Variants in LDLRAD4 observed in about 807,000 individuals in gnomAD.
LDLRAD4 encodes low-density lipoprotein receptor class A domain-containing protein 4.
In LDLRAD4, 5 loss-of-function variants were observed where a neutral mutation model predicts 17.0. That is an observed-to-expected ratio of 0.29 (90% CI 0.15 to 0.62). The LOEUF is 0.62. LDLRAD4 is among the 20% of genes least tolerant of loss of function. The pLI is 0.84. For missense variants in LDLRAD4, 340 were observed against 424.7 expected, an observed-to-expected ratio of 0.80 and a Z score of 1.75; for synonymous variants, 168 against 171.8, an observed-to-expected ratio of 0.98 and a Z score of 0.17.
intron 4 of LDLRAD4, among the ~76,000 whole-genome samples, chr18:13,636,829 C>G (rs1428619580): frequency 6.7e-6 from 1 of 149,788 alleles, no homozygotes; most frequent in African/African-American, 2.5e-5. Flanking sequence ...TGGAGTCTCG[C>G]TCTTGTCGCC....
At chr18:13,251,257 C>A (rs1474159030) in intron 1 of LDLRAD4, among the ~76,000 whole-genome samples, 1 of 152,196 alleles carries the variant, frequency 6.6e-6, no homozygotes, top group African/African-American at 2.4e-5. Flanking sequence ...AATGACAAAA[C>A]CACAGCTGAC....
intron 3 of LDLRAD4, among the ~76,000 whole-genome samples, chr18:13,457,384 A>G (rs952165511): frequency 1.3e-4 from 20 of 152,274 alleles, no homozygotes; most frequent in Admixed American, 1.3e-3. Flanking sequence ...GAGCCTCTGC[A>G]TGTTCCGCCA....
chr18:13,236,684 G>C (rs527501457), intron 1 of LDLRAD4, among the ~76,000 whole-genome samples: 1 of 147,056 alleles, frequency 6.8e-6, no homozygotes, highest in Non-Finnish European at 1.5e-5. Context: ...CCTGTGTGGG[G>C]CTCGGTCCGT....
Position 13,540,183 on chromosome 18 carries a change from G to GT in LDLRAD4, c.182-80931dup, listed in dbSNP as rs564370195. 1.4e-4 allele frequency among the ~76,000 whole-genome samples: 21 copies of GT among 152,308 alleles called. No homozygotes were observed. The East Asian group carries it at 4.0e-3, about 29-fold the overall frequency. On this transcript the variant is annotated intron_variant, in intron 3 of 5. Transcript: ENST00000359446. ...TGCCAAATCTTCCCAATTTATCTGT[G>GT]TTTGTCTTTTTTAAAAAATACAAGT...
chr18:13,424,071 G>C (rs932184498), intron 2 of LDLRAD4, among the ~76,000 whole-genome samples: 1 of 151,986 alleles, frequency 6.6e-6, no homozygotes, highest in Admixed American at 6.5e-5. Context: ...GGAGGTAGAG[G>C]TTGCAATGAG....
intron 3 of LDLRAD4, among the ~76,000 whole-genome samples, chr18:13,587,502 C>T (rs1179456366): frequency 6.6e-6 from 1 of 152,238 alleles, no homozygotes; most frequent in African/African-American, 2.4e-5. Flanking sequence ...GGAAGACCTG[C>T]TTATTCCAAC....
At chr18:13,648,697 G>A (rs2043111673) in exon 6 of LDLRAD4, 1 of 152,186 alleles carries the variant, frequency 6.6e-6, no homozygotes, top group African/African-American at 2.4e-5. Context: ...TCAATGATAG[G>A]TTTATAATCT....
chr18:13,538,285 T>C (rs113039961), intron 3 of LDLRAD4, among the ~76,000 whole-genome samples: 1 of 152,234 alleles, frequency 6.6e-6, no homozygotes, highest in African/African-American at 2.4e-5. Context: ...TATGTCTTCT[T>C]TTATAACACA....
At chr18:13,526,378 A>G (rs2094032187) in intron 3 of LDLRAD4, 1 of 152,236 alleles carries the variant, frequency 6.6e-6, no homozygotes, top group Non-Finnish European at 1.5e-5. Context: ...GAACAGCTTT[A>G]AATGTGTGAG....
chr18:13,491,817 A>T (rs145332629), intron 3 of LDLRAD4, among the ~76,000 whole-genome samples: 49 of 152,276 alleles, frequency 3.2e-4, no homozygotes, highest in African/African-American at 1.1e-3. Flanking sequence ...ATCAGGTGAC[A>T]GTGTTTGGGT....
intron 3 of LDLRAD4, among the ~76,000 whole-genome samples, chr18:13,535,931 C>G (rs1318781248): frequency 6.6e-6 from 1 of 152,178 alleles, no homozygotes; most frequent in East Asian, 1.9e-4. Context: ...TTGAATTACC[C>G]TAGTACCTTC....
At chr18:13,304,693 G>T (rs1159287285) in intron 1 of LDLRAD4, among the ~76,000 whole-genome samples, 1 of 152,200 alleles carries the variant, frequency 6.6e-6, no homozygotes, top group East Asian at 1.9e-4. Flanking sequence ...TTTGGGCAAT[G>T]GGCCCCATTT....
intron 3 of LDLRAD4, among the ~76,000 whole-genome samples, chr18:13,595,807 C>A (rs980774440): frequency 6.6e-6 from 1 of 152,190 alleles, no homozygotes; most frequent in African/African-American, 2.4e-5. Context: ...CATGGCCTGG[C>A]ATATGGTCTA....
intron 1 of LDLRAD4, among the ~76,000 whole-genome samples, chr18:13,301,108 T>C (rs906160025): frequency 6.6e-6 from 1 of 151,790 alleles, no homozygotes; most frequent in East Asian, 1.9e-4. Context: ...GTGTTGGGAG[T>C]GGGAAGCATT....
chr18:13,637,055 T>C (rs7233138), intron 4 of LDLRAD4, among the ~76,000 whole-genome samples: 3,816 of 152,188 alleles, frequency 0.025, 170 homozygotes, highest in African/African-American at 0.082. Context: ...ACCTTGGCCT[T>C]GCAAAGTTCT....
intron 3 of LDLRAD4, among the ~76,000 whole-genome samples, chr18:13,507,783 A>G (rs2093718021): frequency 6.6e-6 from 1 of 152,242 alleles, no homozygotes; most frequent in Admixed American, 6.5e-5. Context: ...GGGCCCCTCT[A>G]ATTCTCCAAG....
intron 1 of LDLRAD4, among the ~76,000 whole-genome samples, chr18:13,318,513 T>C (rs2081051385): frequency 6.6e-6 from 1 of 152,198 alleles, no homozygotes; most frequent in African/African-American, 2.4e-5. Flanking sequence ...TTACCTGCCT[T>C]AGCCTCCCAA....
chr18:13,395,526 T>G (rs868366202), intron 2 of LDLRAD4, among the ~76,000 whole-genome samples: 6 of 9,524 alleles, frequency 6.3e-4, no homozygotes, highest in Admixed American at 1.4e-3. Context: ...TTGGAGCTGT[T>G]GGGGGGCGGG....
intron 3 of LDLRAD4, among the ~76,000 whole-genome samples, chr18:13,518,408 A>G (rs1209706125): frequency 1.3e-5 from 2 of 152,174 alleles, no homozygotes; most frequent in Non-Finnish European, 2.9e-5. Flanking sequence ...TGGGATTGTC[A>G]TTTTAAAAAG....
Sources: gnomAD v4.1 joint callset for allele counts (sites outside exome capture counted in the v4.1 genomes callset) on GRCh38, gnomAD v4.1.1 for gene constraint, MANE v1.5 for transcripts, NCBI Gene and HGNC (gene_info 2026-07-23, HGNC 2026-07-21) for gene names.